Variants in LY6S observed in about 807,000 individuals in gnomAD.
LY6S encodes lymphocyte antigen 6 family member S.
At chr8:143,065,776 TC>T in the LY6S span, 5 of 41,458 alleles carry the variant, frequency 1.2e-4, no homozygotes, top group African/African-American at 6.4e-4. Flanking sequence ...CTTTTCTCTT[TC>T]TTTCTTTTTC....
At chr8:143,072,487 C>T in the LY6S span, among the ~76,000 whole-genome samples, 22 of 84,398 alleles carry the variant, frequency 2.6e-4, no homozygotes, top group African/African-American at 8.4e-4. Flanking sequence ...TCCCCGGGGT[C>T]CCTGTTTGAG....
At chr8:143,044,723 C>A in the LY6S span, 2 of 1,367,670 alleles carry the variant, frequency 1.5e-6, no homozygotes, top group Non-Finnish European at 2.0e-6. Context: ...CAGACCCCAT[C>A]CAGGAAGGGG....
At chr8:143,057,831 G>A in the LY6S span, 63 of 750,170 alleles carry the variant, frequency 8.4e-5, no homozygotes, top group Admixed American at 4.2e-4. Context: ...GAGACTTTTC[G>A]GCTCCTGCAG....
At chr8:143,047,998 G>T in the LY6S span, 1 of 152,232 alleles carries the variant, frequency 6.6e-6, no homozygotes, top group African/African-American at 2.4e-5. Flanking sequence ...CCTTGGCTGT[G>T]TGTCTCTTGT....
chr8:143,073,801 C>T, the LY6S span, among the ~76,000 whole-genome samples: 17 of 128,966 alleles, frequency 1.3e-4, no homozygotes, highest in Admixed American at 3.0e-4. Flanking sequence ...AGACAGCCGT[C>T]GTCCCCGGGG....
At chr8:143,075,514 G>T in the LY6S span, among the ~76,000 whole-genome samples, 1 of 152,112 alleles carries the variant, frequency 6.6e-6, no homozygotes, top group Non-Finnish European at 1.5e-5. The surrounding 1 kb of genome is among the most constrained non-coding windows in gnomAD (Gnocchi z 4.1). Flanking sequence ...GACGAGCCTG[G>T]GCAACATGAT....
the LY6S span, among the ~76,000 whole-genome samples, chr8:143,073,944 G>GTTTGAGGAGACAGCCGTCGTCTCCA: frequency 1.7e-5 from 2 of 117,610 alleles, no homozygotes; most frequent in South Asian, 3.0e-4. Context: ...CGTCGTCCCC[G>GTTTGAGGAGACAGCCGTCGTCTCCA]GGGTCCCTGT....
At chr8:143,063,693 C>T in the LY6S span, among the ~76,000 whole-genome samples, 4 of 152,218 alleles carry the variant, frequency 2.6e-5, no homozygotes, top group Non-Finnish European at 4.4e-5. Context: ...TCTTTAGGCT[C>T]TTCAGTAGCG....
At chr8:143,072,228 G>A in the LY6S span, among the ~76,000 whole-genome samples, 8 of 148,226 alleles carry the variant, frequency 5.4e-5, no homozygotes, top group African/African-American at 2.0e-4. Flanking sequence ...TGTTTGAGGA[G>A]ACAGCCGTCG....
the LY6S span, chr8:143,054,167 G>T: frequency 6.6e-6 from 1 of 152,074 alleles, no homozygotes; most frequent in African/African-American, 2.4e-5. Flanking sequence ...TTAGCCAGGC[G>T]TGGTGGTGGG....
At chr8:143,052,078 G>A in the LY6S span, among the ~76,000 whole-genome samples, 1 of 151,622 alleles carries the variant, frequency 6.6e-6, no homozygotes, top group Admixed American at 6.6e-5. Context: ...TCAGGAGATG[G>A]AGACCATCCT....
the LY6S span, among the ~76,000 whole-genome samples, chr8:143,065,131 C>A: frequency 6.6e-6 from 1 of 152,186 alleles, no homozygotes; most frequent in Non-Finnish European, 1.5e-5. Flanking sequence ...GAACACTATG[C>A]AGTGCCCTGC....
At chr8:143,056,288 TTTG>T in the LY6S span, among the ~76,000 whole-genome samples, 1 of 150,588 alleles carries the variant, frequency 6.6e-6, no homozygotes, top group Non-Finnish European at 1.5e-5. Flanking sequence ...TTAATTCCAT[TTTG>T]TTGAAAATTC....
the LY6S span, among the ~76,000 whole-genome samples, chr8:143,072,689 G>A: frequency 2.7e-4 from 34 of 125,164 alleles, no homozygotes; most frequent in East Asian, 5.1e-4. Flanking sequence ...CGTCCCCGGG[G>A]TCCCTGTTTG....
the LY6S span, among the ~76,000 whole-genome samples, chr8:143,045,242 G>A: frequency 3.3e-5 from 5 of 152,112 alleles, no homozygotes; most frequent in African/African-American, 7.2e-5. The surrounding 1 kb of genome is among the most constrained non-coding windows in gnomAD (Gnocchi z 5.3). Flanking sequence ...GCAGGAGTGC[G>A]CTGGAACAAA....
chr8:143,073,462 G>A, the LY6S span, among the ~76,000 whole-genome samples: 52,354 of 101,170 alleles, frequency 0.52, 11,249 homozygotes, highest in South Asian at 0.62. Context: ...GACAGCCGTC[G>A]TCCCCGGGGC....
chr8:143,075,098 G>C, the LY6S span, among the ~76,000 whole-genome samples: 9 of 152,256 alleles, frequency 5.9e-5, no homozygotes, highest in African/African-American at 2.2e-4. This position sits in a 1 kb window ranked among gnomAD's most constrained non-coding sequence, Gnocchi z 4.1. Context: ...TTGTCATTAT[G>C]ACTCATTTTT....
chr8:143,074,298 TTCTCTCTGTCTCTGTC>T, the LY6S span, among the ~76,000 whole-genome samples: 1 of 152,078 alleles, frequency 6.6e-6, no homozygotes, highest in Non-Finnish European at 1.5e-5. Context: ...TATGGCCCTC[TTCTCTCTGTCTCTGTC>T]TCTCTCTGTG....
At chr8:143,061,610 T>A in the LY6S span, among the ~76,000 whole-genome samples, 2 of 152,244 alleles carry the variant, frequency 1.3e-5, no homozygotes, top group African/African-American at 4.8e-5. Context: ...AATGGTGCGA[T>A]CTTGGCTCAC....
Sources: allele counts gnomAD v4.1 joint callset (sites outside exome capture counted in the v4.1 genomes callset), GRCh38; gene constraint gnomAD v4.1.1; non-coding constraint Gnocchi (gnomAD v3.1); transcripts MANE v1.5; gene names NCBI Gene and HGNC (gene_info 2026-07-23, HGNC 2026-07-21).